Variants in TMEM196 observed in about 807,000 individuals in gnomAD.
The protein encoded by TMEM196 is transmembrane protein 196.
TMEM196 carries 17 observed loss-of-function variants against 20.0 expected under a neutral mutation model. The observed-to-expected ratio is 0.85, with a 90% confidence interval of 0.58 to 1.27. The LOEUF is 1.27. Among genes scored for constraint, TMEM196 ranks in the 50% most tolerant of loss-of-function variants. TMEM196 has a pLI of 0.00. For missense variants in TMEM196, 267 were observed against 223.0 expected (o/e 1.20, Z -1.26); for synonymous variants, 113 against 88.9 (o/e 1.27, Z -1.52).
At chr7:19,742,007 A>G (rs998169507) in intron 1 of TMEM196, among the ~76,000 whole-genome samples, 20 of 152,026 alleles carry the variant, frequency 1.3e-4, no homozygotes, top group African/African-American at 4.8e-4. Context: ...TTGTAGTTCA[A>G]TCTCCTCTTT....
chr7:19,769,437 C>A (rs1785771233), intron 1 of TMEM196, among the ~76,000 whole-genome samples: 1 of 151,976 alleles, frequency 6.6e-6, no homozygotes, highest in Non-Finnish European at 1.5e-5. Flanking sequence ...TCTTACACAC[C>A]TAAGCCCCAG....
Position 19,772,608 on chromosome 7 carries a change from G to A in TMEM196, c.89C>T (p.Ala30Val), listed in dbSNP as rs1785931236. 4 of 1,546,236 alleles carry A rather than the reference G, an allele frequency of 2.6e-6. No homozygotes were observed. Among genetic ancestry groups the A allele is most frequent in the South Asian group, 1.2e-5 (1 of 83,468 alleles). The change falls in exon 1 of 5, where the codon GCG becomes GTG. Residue 30 changes from alanine to valine, a missense_variant. Physicochemically the swap from Ala to Val is moderately conservative, Grantham distance 64. Coordinates refer to ENST00000405844, the MANE Select transcript of TMEM196 (RefSeq NM_001363562.2). ...TCGGAGGGCCAGGCTGAAGCTGACC[G>A]CCCCCACGGCCACGCTGGACACCCC... is the stretch of plus-strand genomic sequence containing the variant. Reference protein sequence around the residue: ...GLGVSSVAVGAVSFSLALREH... With the variant: ...GLGVSSVAVGVVSFSLALREH...
At chr7:19,746,655 C>A (rs988197875) in intron 1 of TMEM196, among the ~76,000 whole-genome samples, 2 of 152,170 alleles carry the variant, frequency 1.3e-5, no homozygotes, top group African/African-American at 4.8e-5. Context: ...AAAGAGACAA[C>A]CACACTATTT....
rs540244703 is a variant in TMEM196 at position 19,769,540 on chromosome 7, A to G, written c.147+3010T>C. ...GCTGACTGAAAGACTCTCTCTTCTC[A>G]TGCCCTCCACTGCCAGTCTGTGCAC... On this transcript the variant is annotated intron_variant, in intron 1 of 4. Transcript: ENST00000405844. 8.7e-4 allele frequency among the ~76,000 whole-genome samples: 133 copies of G among 152,170 alleles called. 1 individual carries two copies. Among genetic ancestry groups the G allele is most frequent in the South Asian group, 7.9e-3 (38 of 4,818 alleles).
chr7:19,766,126 T>A (rs1184222158), intron 1 of TMEM196, among the ~76,000 whole-genome samples: 1 of 152,170 alleles, frequency 6.6e-6, no homozygotes, highest in Non-Finnish European at 1.5e-5. Flanking sequence ...CTTTTAGGAA[T>A]AATGAGACTG....
At chr7:19,760,656 C>T (rs1192423385) in intron 1 of TMEM196, among the ~76,000 whole-genome samples, 1 of 152,138 alleles carries the variant, frequency 6.6e-6, no homozygotes, top group East Asian at 1.9e-4. Flanking sequence ...CCACTGCGCC[C>T]AGCCTATTTT....
chr7:19,726,513 T>C (rs548234197), intron 2 of TMEM196, among the ~76,000 whole-genome samples: 4 of 152,338 alleles, frequency 2.6e-5, no homozygotes, highest in African/African-American at 7.2e-5. Context: ...ACTATCATCA[T>C]TGAAGAATAT....
At chr7:19,729,303 C>G in intron 2 of TMEM196, 79 bp downstream of exon 2, 1 of 1,220,526 alleles carries the variant, frequency 8.2e-7, no homozygotes, top group Non-Finnish European at 1.1e-6. Flanking sequence ...TATATGAAAG[C>G]TGGCTAGCCA....
chr7:19,745,961 C>T (rs1387507652), intron 1 of TMEM196, among the ~76,000 whole-genome samples: 2 of 151,712 alleles, frequency 1.3e-5, no homozygotes, highest in East Asian at 1.9e-4. Flanking sequence ...TTTTAAAGTG[C>T]TAAGTCATAA....
rs368856696 is a variant in TMEM196, at chr7:19,739,388, T to C, written c.148-9950A>G. On this transcript the variant is annotated intron_variant, in intron 1 of 4. Coordinates refer to ENST00000405844, the MANE Select transcript of TMEM196 (RefSeq NM_001363562.2). ...AACTTAAAAACATTAATGAAGAATA[T>C]TATAGATTTGTACAAATGAAAATAC... Among the ~76,000 whole-genome samples the C allele has an allele frequency of 5.8e-4, 89 of 152,192 alleles. 3 individuals are homozygous for C. In the South Asian group the frequency reaches 0.017, roughly 29 times the overall value.
intron 1 of TMEM196, among the ~76,000 whole-genome samples, chr7:19,748,292 C>CAG (rs1784838892): frequency 2.1e-5 from 1 of 46,752 alleles, no homozygotes; most frequent in South Asian, 6.8e-4. Flanking sequence ...AAAAAAAAAA[C>CAG]AGTGTAATGA....
At chr7:19,756,823 G>C (rs73084951) in intron 1 of TMEM196, among the ~76,000 whole-genome samples, 1 of 151,984 alleles carries the variant, frequency 6.6e-6, no homozygotes, top group African/African-American at 2.4e-5. Flanking sequence ...TATATGAACC[G>C]CATTTTCTTT....
At chr7:19,756,815 T>C (rs1583452569) in intron 1 of TMEM196, among the ~76,000 whole-genome samples, 1 of 152,260 alleles carries the variant, frequency 6.6e-6, no homozygotes, top group Admixed American at 6.5e-5. Flanking sequence ...CCCAGGTATA[T>C]ATGAACCGCA....
chr7:19,751,827 A>G (rs954962928), intron 1 of TMEM196, among the ~76,000 whole-genome samples: 6 of 152,156 alleles, frequency 3.9e-5, no homozygotes, highest in Admixed American at 1.3e-4. Flanking sequence ...TTGCTTCAGA[A>G]TACTCATGTT....
chr7:19,750,309 A>G (rs563661185), intron 1 of TMEM196, among the ~76,000 whole-genome samples: 2 of 152,360 alleles, frequency 1.3e-5, no homozygotes, highest in African/African-American at 2.4e-5. Context: ...CAATGTAAGC[A>G]TATATCAAAA....
At chr7:19,770,958 G>C (rs914218974) in intron 1 of TMEM196, among the ~76,000 whole-genome samples, 12 of 150,280 alleles carry the variant, frequency 8.0e-5, no homozygotes, top group African/African-American at 2.9e-4. Context: ...CGTTGGGGGC[G>C]GGGATTGAGC....
At chr7:19,755,320 A>G (rs1463809670) in intron 1 of TMEM196, among the ~76,000 whole-genome samples, 1 of 152,200 alleles carries the variant, frequency 6.6e-6, no homozygotes, top group Non-Finnish European at 1.5e-5. Flanking sequence ...ATTAAAATAT[A>G]TATTAAACCT....
intron 1 of TMEM196, among the ~76,000 whole-genome samples, chr7:19,742,929 C>G (rs1784627774): frequency 6.6e-6 from 1 of 152,122 alleles, no homozygotes; most frequent in Non-Finnish European, 1.5e-5. Flanking sequence ...ATAGAGAACA[C>G]TTGTCTTTCC....
At chr7:19,747,897 AAAG>A (rs1274030682) in intron 1 of TMEM196, among the ~76,000 whole-genome samples, 1 of 152,168 alleles carries the variant, frequency 6.6e-6, no homozygotes, top group Non-Finnish European at 1.5e-5. Context: ...TTTTCTCCCT[AAAG>A]GTTATTGGAT....
Sources: allele counts gnomAD v4.1 joint callset (sites outside exome capture counted in the v4.1 genomes callset), GRCh38; gene constraint gnomAD v4.1.1; transcripts MANE v1.5; gene names NCBI Gene and HGNC (gene_info 2026-07-23, HGNC 2026-07-21).